GRIP2: variants seen among roughly 807,000 people sequenced by gnomAD.
The protein encoded by GRIP2 is glutamate receptor interacting protein 2, also known as glutamate receptor-interacting protein 2.
GRIP2 carries 58 observed loss-of-function variants against 108.3 expected under a neutral mutation model. The observed-to-expected ratio is 0.54, with a 90% CI of 0.43 to 0.67. The LOEUF (loss-of-function observed/expected upper bound fraction) is 0.67. GRIP2 is among the 30% of genes least tolerant of loss of function. The probability of loss-of-function intolerance (pLI) is 0.00; values close to 1 mark genes in which losing one functional copy is unlikely to be tolerated. For missense variants in GRIP2, 1,278 were observed against 1,430.6 expected (o/e 0.89, Z 1.72); for synonymous variants, 586 against 598.2 (o/e 0.98, Z 0.30).
chr3:14,573,970 G>A, the GRIP2 span: 1 of 1,084,772 alleles, frequency 9.2e-7, no homozygotes, highest in Non-Finnish European at 1.4e-6. Context: ...TGCACCTGCG[G>A]ATCCTGGCAT....
Position 14,511,129 on chromosome 3 carries a change from G to T in GRIP2, c.1933+36C>A, listed in dbSNP as rs1575002012. The stretch of plus-strand genomic sequence containing the variant: ...TGGGAACCCGCTAGTCAAAGGGTGG[G>T]CCTCTGGAGGTAGGAGGCCAGCATG... On this transcript the variant is annotated intron_variant, in intron 16 of 23. Transcript: ENST00000621039. This position sits in a 1 kb window ranked among gnomAD's most constrained non-coding sequence, Gnocchi z 4.1. 1 of 1,609,922 alleles carries T rather than the reference G, an allele frequency of 6.2e-7. No homozygotes were observed. The highest frequency in any genetic ancestry group is 2.2e-5 in the East Asian group (1 of 44,804).
In GRIP2 at chr3:14,521,409, C is replaced by T. The variant is rs1003182116; in HGVS notation, c.712+233G>A. The T allele has an allele frequency of 2.7e-5, 14 of 514,142 alleles. No individual in the cohort carries two copies. Among genetic ancestry groups the T allele is most frequent in the African/African-American group, 2.4e-4 (12 of 50,820 alleles). The allele number at this position is 514,142 out of a possible 1,614,324, so 31.8% of individuals were successfully genotyped here. A position where few individuals can be genotyped will look rare whatever the true frequency, so the allele number is the denominator to read the frequency against. ...TATTCTGGATACTGTCCTCTCTCCA[C>T]CAGAATGCCAGCTCCATGAGAACAG... On this transcript the variant is annotated intron_variant, in intron 7 of 23. Transcript: ENST00000621039. The surrounding 1 kb of genome is among the most constrained non-coding windows in gnomAD (Gnocchi z 5.1).
At chr3:14,575,478 G>A in the GRIP2 span, among the ~76,000 whole-genome samples, 6 of 152,328 alleles carry the variant, frequency 3.9e-5, no homozygotes, top group South Asian at 1.2e-3. Flanking sequence ...TGTGGTAACT[G>A]AGGTGGGGGC....
chr3:14,496,616 T>G, intron 21 of GRIP2, 56 bp from the exon 22 acceptor site: 32 of 1,557,432 alleles, frequency 2.1e-5, no homozygotes, highest in Non-Finnish European at 2.8e-5. Context: ...CATCAGGCAG[T>G]CAGCATCCAC....
rs754701930 is a variant in GRIP2 at position 14,525,900 on chromosome 3, G to A, written c.72C>T (p.Asp24=). The change falls in exon 2 of 24, where the codon GAC becomes GAT. Residue 24 remains aspartate, a synonymous_variant. Coordinates refer to ENST00000621039, the MANE Select transcript of GRIP2 (RefSeq NM_001080423.4). ...DDGPYSKGGK[D]AGGADVSLAC... ...CCAGGGAAACGTCGGCCCCTCCTGC[G>A]TCCTTGCCTCCTTTGGAGTAGGGCC... 22 of 1,561,262 alleles carry A rather than the reference G, an allele frequency of 1.4e-5. No individual in the cohort carries two copies. The East Asian group carries it at 2.4e-4, about 17-fold the overall frequency.
chr3:14,558,758 C>A (rs1047182137), upstream of GRIP2, among the ~76,000 whole-genome samples: 1 of 152,142 alleles, frequency 6.6e-6, no homozygotes, highest in Non-Finnish European at 1.5e-5. Flanking sequence ...ACACCCACCC[C>A]AGAGACCCCA....
At chr3:14,534,090 G>GC (rs1694775078) in intron 1 of GRIP2, among the ~76,000 whole-genome samples, 1 of 152,228 alleles carries the variant, frequency 6.6e-6, no homozygotes, top group South Asian at 2.1e-4. Flanking sequence ...TCAGAAAGGT[G>GC]CCCGGAAGGA....
chr3:14,526,079 G>A, intron 1 of GRIP2, 148 bp from the exon 2 acceptor site: 1 of 685,836 alleles, frequency 1.5e-6, no homozygotes, highest in Non-Finnish European at 2.6e-6. Flanking sequence ...CTCTGCTGGA[G>A]AATCCTCACA....
chr3:14,573,140 GC>G, the GRIP2 span: 1 of 1,432,188 alleles, frequency 7.0e-7, no homozygotes. Flanking sequence ...GCCCAAAGGT[GC>G]AGAGGAAGAG....
upstream of GRIP2, among the ~76,000 whole-genome samples, chr3:14,546,989 G>T (rs542511454): frequency 7.9e-5 from 12 of 152,274 alleles, no homozygotes; most frequent in East Asian, 2.3e-3. Context: ...CCCTACCCAG[G>T]TCCCTAAGGG....
the GRIP2 span, among the ~76,000 whole-genome samples, chr3:14,576,946 T>C: frequency 6.6e-6 from 1 of 152,260 alleles, no homozygotes; most frequent in African/African-American, 2.4e-5. Context: ...TTTGTTGAGA[T>C]AGGTTTCATG....
intron 1 of GRIP2, chr3:14,530,993 AG>A (rs1694696210): frequency 6.6e-6 from 1 of 152,196 alleles, no homozygotes; most frequent in Non-Finnish European, 1.5e-5. Context: ...AAACTACGGA[AG>A]ACTTCACAAA....
chr3:14,570,357 AG>A, the GRIP2 span, among the ~76,000 whole-genome samples: 3 of 152,208 alleles, frequency 2.0e-5, no homozygotes, highest in Non-Finnish European at 4.4e-5. Flanking sequence ...AAGCAGCAGC[AG>A]GAAGTCAGAG....
At chr3:14,496,326 G>T in intron 22 of GRIP2, 91 bp downstream of exon 22, 1 of 1,118,218 alleles carries the variant, frequency 8.9e-7, no homozygotes, top group Non-Finnish European at 1.2e-6. Flanking sequence ...CTAAAGCCCT[G>T]AGAGGGGCAG....
upstream of GRIP2, among the ~76,000 whole-genome samples, chr3:14,560,807 C>T (rs1015045310): frequency 3.3e-5 from 5 of 152,110 alleles, no homozygotes; most frequent in African/African-American, 7.2e-5. Flanking sequence ...TAACTTGGGC[C>T]CAAAAGTATC....
intron 21 of GRIP2, among the ~76,000 whole-genome samples, chr3:14,498,400 T>C (rs1693674956): frequency 6.6e-6 from 1 of 152,102 alleles, no homozygotes; most frequent in African/African-American, 2.4e-5. Flanking sequence ...GAGGTGAAGG[T>C]TGCAGTGAGC....
chr3:14,522,006 G>A lies in GRIP2; in HGVS notation c.567-219C>T. ...TAAAGCAAGGGGGGGATGAAGACAG[G>A]ATGGGGTGGCTCTGCCGCCTGCCAC... On this transcript the variant is annotated intron_variant, in intron 6 of 23. Coordinates refer to ENST00000621039, the MANE Select transcript of GRIP2 (RefSeq NM_001080423.4). The surrounding 1 kb of genome is among the most constrained non-coding windows in gnomAD (Gnocchi z 4.3). 1.8e-6 allele frequency: 1 copy of A among 540,544 alleles called. No individual in the cohort carries two copies. The highest frequency in any genetic ancestry group is 3.2e-6 in the Non-Finnish European group (1 of 308,344). 33.5% of individuals were successfully genotyped at this position (540,544 alleles called of 1,614,324 possible).
At chr3:14,582,728 T>C in the GRIP2 span, among the ~76,000 whole-genome samples, 1 of 152,210 alleles carries the variant, frequency 6.6e-6, no homozygotes, top group Non-Finnish European at 1.5e-5. Context: ...TCTCCGAGCA[T>C]CTCAGCTGAG....
intron 19 of GRIP2, among the ~76,000 whole-genome samples, chr3:14,506,162 AGG>A (rs1211864047): frequency 6.6e-6 from 1 of 152,214 alleles, no homozygotes; most frequent in Non-Finnish European, 1.5e-5. Context: ...GCTGAGGCCC[AGG>A]GAGAGCAGGT....
Sources: gnomAD v4.1 joint callset for allele counts (sites outside exome capture counted in the v4.1 genomes callset) on GRCh38, gnomAD v4.1.1 for gene constraint, Gnocchi (gnomAD v3.1) non-coding constraint, MANE v1.5 for transcripts, NCBI Gene and HGNC (gene_info 2026-07-23, HGNC 2026-07-21) for gene names.